The following GALNT13 variants were observed in gnomAD, a reference collection of about 807,000 sequenced individuals.
GALNT13 encodes polypeptide N-acetylgalactosaminyltransferase 13.
Under a neutral mutation model 64.2 loss-of-function variants are expected in GALNT13, and 28 were observed. That is an observed-to-expected ratio of 0.44 (90% CI 0.32 to 0.60). The LOEUF (loss-of-function observed/expected upper bound fraction) is 0.60, where lower values mean the gene tolerates loss of function less well. Among genes scored for constraint, GALNT13 ranks in the 20% least tolerant of loss-of-function variants. GALNT13 has a pLI of 0.05. For synonymous variants in GALNT13, 214 were observed against 224.6 expected, an observed-to-expected ratio of 0.95 and a Z score of 0.42; for missense variants, 577 against 669.8, an observed-to-expected ratio of 0.86 and a Z score of 1.53.
intron 8 of GALNT13, among the ~76,000 whole-genome samples, chr2:154,283,556 C>T (rs529235761): frequency 3.5e-5 from 5 of 144,000 alleles, no homozygotes; most frequent in Admixed American, 2.9e-4. Context: ...CCAGCCTGGG[C>T]GACAGAGCGA....
the GALNT13 span, among the ~76,000 whole-genome samples, chr2:153,704,602 T>C: frequency 7.2e-5 from 11 of 152,172 alleles, no homozygotes; most frequent in Non-Finnish European, 1.3e-4. Flanking sequence ...AAAGTGGCTA[T>C]TGTTTGAGTG....
the GALNT13 span, among the ~76,000 whole-genome samples, chr2:153,304,151 A>G: frequency 1.1e-5 from 1 of 88,630 alleles, no homozygotes; most frequent in African/African-American, 4.4e-5. Flanking sequence ...AATGTGAGCA[A>G]GAGAACACTG....
chr2:153,615,695 C>T, the GALNT13 span, among the ~76,000 whole-genome samples: 1,072 of 152,156 alleles, frequency 7.0e-3, 4 homozygotes, highest in Middle Eastern at 0.017. Flanking sequence ...AAATGGAAAT[C>T]TTTTAAATCT....
chr2:154,456,149 T>G (rs1219790563), downstream of GALNT13, among the ~76,000 whole-genome samples: 1 of 42 alleles, frequency 0.024, no homozygotes, highest in Non-Finnish European at 0.5. Context: ...TCTTTTTTTG[T>G]TTTTTTTTTT....
chr2:153,891,977 T>C (rs1444482181), intron 1 of GALNT13, among the ~76,000 whole-genome samples: 1 of 152,074 alleles, frequency 6.6e-6, no homozygotes, highest in Non-Finnish European at 1.5e-5. Flanking sequence ...TTGAATTACC[T>C]AGATGCTCAT....
the GALNT13 span, among the ~76,000 whole-genome samples, chr2:153,499,355 G>T: frequency 6.6e-6 from 1 of 152,170 alleles, no homozygotes; most frequent in South Asian, 2.1e-4. Context: ...AAGGGAGGAA[G>T]TGCTGATTGG....
chr2:153,223,071 C>T, the GALNT13 span, among the ~76,000 whole-genome samples: 1 of 152,214 alleles, frequency 6.6e-6, no homozygotes, highest in Non-Finnish European at 1.5e-5. Context: ...CCAGATGGGC[C>T]GCCGCTGCCG....
chr2:153,423,683 A>T, the GALNT13 span, among the ~76,000 whole-genome samples: 1 of 151,878 alleles, frequency 6.6e-6, no homozygotes, highest in Non-Finnish European at 1.5e-5. Context: ...GCAATTACAG[A>T]AGCAACGAGA....
chr2:153,884,057 T>G (rs1264825564), intron 1 of GALNT13, among the ~76,000 whole-genome samples: 4 of 151,942 alleles, frequency 2.6e-5, no homozygotes, highest in Non-Finnish European at 5.9e-5. Flanking sequence ...GGGATTGGAA[T>G]AGTAGCATAT....
chr2:153,935,919 A>C (rs1690878279), intron 2 of GALNT13, among the ~76,000 whole-genome samples: 1 of 152,180 alleles, frequency 6.6e-6, no homozygotes, highest in Non-Finnish European at 1.5e-5. Context: ...ATTTCAGTAT[A>C]ACTTTGCTTT....
At chr2:154,354,172 C>A (rs1279757417) in intron 9 of GALNT13, among the ~76,000 whole-genome samples, 1 of 152,108 alleles carries the variant, frequency 6.6e-6, no homozygotes, top group Admixed American at 6.6e-5. Flanking sequence ...CATACATTTT[C>A]ATATACCTGT....
chr2:153,578,113 A>G, the GALNT13 span, among the ~76,000 whole-genome samples: 1,307 of 152,262 alleles, frequency 8.6e-3, 11 homozygotes, highest in African/African-American at 0.029. Flanking sequence ...TCTTTAAAAT[A>G]GTTTCCTTTA....
At chr2:153,404,516 T>TA in the GALNT13 span, among the ~76,000 whole-genome samples, 4 of 150,722 alleles carry the variant, frequency 2.7e-5, no homozygotes, top group African/African-American at 7.4e-5. Context: ...TTCAAAAGAT[T>TA]TTTTTTTTAC....
the GALNT13 span, among the ~76,000 whole-genome samples, chr2:153,366,720 GACACACACAC>G: frequency 6.6e-3 from 715 of 109,144 alleles, 5 homozygotes; most frequent in African/African-American, 0.02. Flanking sequence ...AGCACACAGG[GACACACACAC>G]ACACACACAC....
chr2:153,866,817 T>C, the GALNT13 span, among the ~76,000 whole-genome samples: 2 of 152,324 alleles, frequency 1.3e-5, no homozygotes, highest in East Asian at 3.9e-4. Context: ...GATTGTGTAA[T>C]AGGTTTATCA....
the GALNT13 span, among the ~76,000 whole-genome samples, chr2:153,536,411 T>G: frequency 6.6e-6 from 1 of 152,180 alleles, no homozygotes; most frequent in African/African-American, 2.4e-5. Flanking sequence ...AGGAGGGCAT[T>G]CATTTTCCCT....
intron 9 of GALNT13, among the ~76,000 whole-genome samples, chr2:154,306,043 GA>G: frequency 6.6e-6 from 1 of 152,240 alleles, no homozygotes; most frequent in East Asian, 1.9e-4. Flanking sequence ...CTCTTCACAA[GA>G]ATTGTGGCAA....
At chr2:154,022,069 A>G (rs1043831704) in intron 3 of GALNT13, among the ~76,000 whole-genome samples, 48 of 151,996 alleles carry the variant, frequency 3.2e-4, no homozygotes, top group Non-Finnish European at 5.6e-4. Flanking sequence ...GATCATGGTG[A>G]ATAAGCTTTT....
At chr2:153,602,566 G>A in the GALNT13 span, among the ~76,000 whole-genome samples, 1 of 151,814 alleles carries the variant, frequency 6.6e-6, no homozygotes. Context: ...GAAACAACAA[G>A]TACAGAATCC....
Sources: allele counts gnomAD v4.1 joint callset (sites outside exome capture counted in the v4.1 genomes callset), GRCh38; gene constraint gnomAD v4.1.1; transcripts MANE v1.5; gene names NCBI Gene and HGNC (gene_info 2026-07-23, HGNC 2026-07-21).